The following PCDHA6 variants were observed in gnomAD, a reference collection of about 807,000 sequenced individuals.
PCDHA6 encodes the protein protocadherin alpha 6, also known as protocadherin alpha-6.
A neutral mutation model predicts 60.3 loss-of-function variants in PCDHA6; 55 were observed. That is an observed-to-expected ratio of 0.91 (90% CI 0.73 to 1.14). The LOEUF is 1.14. Ranked by LOEUF, PCDHA6 falls within the 50% of genes most tolerant of loss-of-function variation. PCDHA6 has a pLI of 0.00. For synonymous variants in PCDHA6, 652 were observed against 557.9 expected, an observed-to-expected ratio of 1.17 and a Z score of -2.38; for missense variants, 1,327 against 1,256.5, an observed-to-expected ratio of 1.06 and a Z score of -0.85.
intron 1 of PCDHA6, chr5:140,859,885 A>G (rs2046070858): frequency 1.3e-5 from 2 of 151,844 alleles, no homozygotes; most frequent in South Asian, 4.2e-4. Context: ...TGATATTTTG[A>G]AAAAAAATCT....
chr5:140,987,898 A>T (rs1394668777), intron 3 of PCDHA6, among the ~76,000 whole-genome samples: 1 of 152,092 alleles, frequency 6.6e-6, no homozygotes, highest in Non-Finnish European at 1.5e-5. Context: ...CCCTAGTTTT[A>T]TATGGGGATT....
chr5:140,841,900 G>A lies in PCDHA6; in HGVS notation c.2394+11415G>A. On this transcript the variant is annotated intron_variant, in intron 1 of 3. Coordinates refer to ENST00000529310, the MANE Select transcript of PCDHA6 (RefSeq NM_018909.4). ...AGAACGATGAGAATAAACTGGTTGA[G>A]CTCGTATTAAGAAAATCCTTGGACA... 4 of 1,613,856 alleles carry A rather than the reference G, an allele frequency of 2.5e-6. 1 individual carries two copies. Among genetic ancestry groups the A allele is most frequent in the Non-Finnish European group, 3.4e-6 (4 of 1,179,838 alleles).
At chr5:140,892,673 T>C (rs1554185319) in intron 1 of PCDHA6, among the ~76,000 whole-genome samples, 1 of 152,262 alleles carries the variant, frequency 6.6e-6, no homozygotes, top group East Asian at 1.9e-4. Flanking sequence ...TTGATACATA[T>C]ATACAATGTA....
At chr5:140,920,474 GT>G (rs1407391996) in intron 1 of PCDHA6, among the ~76,000 whole-genome samples, 1 of 152,008 alleles carries the variant, frequency 6.6e-6, no homozygotes, top group Non-Finnish European at 1.5e-5. Flanking sequence ...ATTTCTGTAT[GT>G]TTTTGGTCCA....
intron 1 of PCDHA6, among the ~76,000 whole-genome samples, chr5:140,846,781 T>C (rs1259185790): frequency 3.3e-5 from 5 of 149,452 alleles, no homozygotes; most frequent in African/African-American, 4.9e-5. Context: ...TCAGGAATTA[T>C]TACTGAGCCC....
chr5:140,830,551 T>C, intron 1 of PCDHA6, 66 bp downstream of exon 1: 1 of 1,095,476 alleles, frequency 9.1e-7, no homozygotes, highest in African/African-American at 1.6e-5. Flanking sequence ...TCCTCATATT[T>C]GTCTTCTATA....
At chr5:140,882,988 G>A (rs782434208) in intron 1 of PCDHA6, 4 of 1,614,080 alleles carry the variant, frequency 2.5e-6, no homozygotes, top group Non-Finnish European at 3.4e-6. Context: ...ACAACGCCCC[G>A]GAATTTTACC....
intron 1 of PCDHA6, among the ~76,000 whole-genome samples, chr5:140,846,838 C>T (rs1554141511): frequency 6.7e-6 from 1 of 149,596 alleles, no homozygotes; most frequent in African/African-American, 2.5e-5. Context: ...ATATGAGTCA[C>T]ACAATGCAAG....
At chr5:140,956,190 T>A (rs1441772845) in intron 1 of PCDHA6, among the ~76,000 whole-genome samples, 1 of 152,208 alleles carries the variant, frequency 6.6e-6, no homozygotes, top group Non-Finnish European at 1.5e-5. Flanking sequence ...CTATGCTGAA[T>A]AGGAGTGGTG....
At chr5:140,875,235 A>G in intron 1 of PCDHA6, 1 of 869,906 alleles carries the variant, frequency 1.1e-6, no homozygotes, top group South Asian at 2.5e-5. Context: ...TCTTTCTTGT[A>G]CTTACATAAT....
chr5:140,958,890 A>G (rs1379321415), intron 1 of PCDHA6, among the ~76,000 whole-genome samples: 1 of 152,044 alleles, frequency 6.6e-6, no homozygotes, highest in African/African-American at 2.4e-5. Context: ...CAGTAGCTAT[A>G]TAATAGATAC....
Position 140,845,288 on chromosome 5 carries a change from C to T in PCDHA6, c.2394+14803C>T, listed in dbSNP as rs1304336704. ...CTTTGTGAAAGTAATATTTCCTATC[C>T]TGTCTATGTCTACCTGGTTCTCAGG... On this transcript the variant is annotated intron_variant, in intron 1 of 3. Coordinates refer to ENST00000529310, the MANE Select transcript of PCDHA6 (RefSeq NM_018909.4). Among the ~76,000 whole-genome samples the T allele has an allele frequency of 3.4e-5, 5 of 149,098 alleles. 1 individual carries two copies. Among genetic ancestry groups the T allele is most frequent in the African/African-American group, 9.8e-5 (4 of 40,716 alleles).
intron 1 of PCDHA6, among the ~76,000 whole-genome samples, chr5:140,952,087 C>T (rs2094684318): frequency 6.6e-6 from 1 of 152,162 alleles, no homozygotes. Context: ...CTCCATGTCT[C>T]ACATCCAGGG....
chr5:140,828,637 G>GA lies in PCDHA6; in HGVS notation c.550dup (p.Ile184AsnfsTer4). 1.9e-6 allele frequency: 3 copies of GA among 1,614,174 alleles called. No individual in the cohort carries two copies. The highest frequency in any genetic ancestry group is 1.7e-6 in the Non-Finnish European group (2 of 1,180,034). On this transcript the variant is annotated frameshift_variant, in exon 1 of 4. Transcript: ENST00000529310. LOFTEE classifies it high-confidence loss of function. Reference sequence around the variant, plus strand: ...CTAGCGAATACTTCGGGCTAGATGTGAAAATAAACAGTGATGACAATAAAC... The same window carrying GA: ...CTAGCGAATACTTCGGGCTAGATGTGAAAAATAAACAGTGATGACAATAAAC...
chr5:140,988,864 C>T (rs1017144453), intron 3 of PCDHA6: 2 of 152,190 alleles, frequency 1.3e-5, no homozygotes, highest in Non-Finnish European at 2.9e-5. Flanking sequence ...GTCTCATGTG[C>T]ACTCAGATGT....
rs2053195452 is a variant in PCDHA6, at chr5:140,871,568, T to G, written c.2394+41083T>G. ...TTAAAATCCAGTTTTTTTTCACGGATTTTTTAAGGGAAAGTTTTATGAATA... is the reference window on the plus strand; with the variant it reads ...TTAAAATCCAGTTTTTTTTCACGGAGTTTTTAAGGGAAAGTTTTATGAATA... On this transcript the variant is annotated intron_variant, in intron 1 of 3. Coordinates refer to ENST00000529310, the MANE Select transcript of PCDHA6 (RefSeq NM_018909.4). 4.7e-6 allele frequency: 7 copies of G among 1,481,802 alleles called. No homozygotes were observed. In the East Asian group the frequency reaches 1.7e-4, roughly 37 times the overall value. The allele number at this position is 1,481,802 out of a possible 1,614,324, so 91.8% of individuals were successfully genotyped here. A position where few individuals can be genotyped will look rare whatever the true frequency, so the allele number is the denominator to read the frequency against.
At chr5:140,983,473 ATAG>A (rs746174585) in intron 3 of PCDHA6, among the ~76,000 whole-genome samples, 7 of 152,242 alleles carry the variant, frequency 4.6e-5, no homozygotes, top group Admixed American at 6.5e-5. Flanking sequence ...CATGATGATA[ATAG>A]TAGTTACTAA....
intron 1 of PCDHA6, among the ~76,000 whole-genome samples, chr5:140,935,092 C>T (rs1015892831): frequency 2.6e-5 from 4 of 152,100 alleles, no homozygotes; most frequent in Non-Finnish European, 5.9e-5. Context: ...TTCCCAGAAT[C>T]AGCCATTTTT....
intron 1 of PCDHA6, among the ~76,000 whole-genome samples, chr5:140,910,005 G>T (rs1554194067): frequency 1.3e-5 from 2 of 152,212 alleles, no homozygotes; most frequent in African/African-American, 4.8e-5. Flanking sequence ...ATTGTTGTCA[G>T]TGTCATCCTT....
Sources: gnomAD v4.1 joint callset for allele counts (sites outside exome capture counted in the v4.1 genomes callset) on GRCh38, gnomAD v4.1.1 for gene constraint, MANE v1.5 for transcripts, NCBI Gene and HGNC (gene_info 2026-07-23, HGNC 2026-07-21) for gene names.